The following ANO6 variants were observed in gnomAD, a reference collection of about 807,000 sequenced individuals.
The protein encoded by ANO6 is anoctamin-6.
A neutral mutation model predicts 117.5 loss-of-function variants in ANO6; 106 were observed. The ratio of observed to expected loss-of-function variants is 0.90; its 90% CI spans 0.77 to 1.06. The LOEUF (loss-of-function observed/expected upper bound fraction) is 1.06. ANO6 is among the 50% of genes least tolerant of loss of function. The probability of loss-of-function intolerance (pLI) is 0.00; values close to 1 mark genes in which losing one functional copy is unlikely to be tolerated. For synonymous variants in ANO6, 367 were observed against 385.1 expected, an observed-to-expected ratio of 0.95 and a Z score of 0.55; for missense variants, 955 against 1,121.1, an observed-to-expected ratio of 0.85 and a Z score of 2.12.
chr12:45,298,370 G>T (rs1939366527), intron 1 of ANO6, among the ~76,000 whole-genome samples: 1 of 152,136 alleles, frequency 6.6e-6, no homozygotes, highest in African/African-American at 2.4e-5. Context: ...TTAGAATTTT[G>T]TCTTGATTCT....
chr12:45,364,595 AT>A (rs561704586), intron 8 of ANO6, among the ~76,000 whole-genome samples: 2 of 151,952 alleles, frequency 1.3e-5, no homozygotes, highest in Admixed American at 1.3e-4. Context: ...CCTTCTAATG[AT>A]TTTTTTATTT....
At chr12:45,217,336 T>G (rs527518473) in intron 1 of ANO6, among the ~76,000 whole-genome samples, 2 of 152,314 alleles carry the variant, frequency 1.3e-5, no homozygotes, top group African/African-American at 4.8e-5. Context: ...CAAATCAATT[T>G]TAAAGCAGAA....
At chr12:45,321,476 A>C (rs540350235) in intron 2 of ANO6, among the ~76,000 whole-genome samples, 170 of 152,246 alleles carry the variant, frequency 1.1e-3, no homozygotes, top group Non-Finnish European at 2.0e-3. Context: ...AAAAAATCAC[A>C]TGTGTTAACA....
In ANO6 at chr12:45,296,809, CG is replaced by C. The variant is rs559228058; in HGVS notation, c.71-5204del. On this transcript the variant is annotated intron_variant, in intron 1 of 19. Transcript: ENST00000320560. ...CTTAATTATTCTTCATCTGTGAAAA[CG>C]AGGGACAAAAATAGGATTAAATAAG... 3.2e-4 allele frequency among the ~76,000 whole-genome samples: 48 copies of C among 152,120 alleles called. No individual in the cohort carries two copies. In the South Asian group the frequency reaches 9.9e-3, roughly 32 times the overall value.
chr12:45,302,396 A>T (rs1257255504), intron 2 of ANO6, among the ~76,000 whole-genome samples: 1 of 152,162 alleles, frequency 6.6e-6, no homozygotes, highest in Non-Finnish European at 1.5e-5. Context: ...CATTGATACC[A>T]TTGCTGTCAG....
chr12:45,406,385 A>G (rs999452826), intron 15 of ANO6, among the ~76,000 whole-genome samples: 5 of 152,354 alleles, frequency 3.3e-5, no homozygotes, highest in Admixed American at 2.0e-4. Flanking sequence ...TGTTCTTAAT[A>G]AAAGGCTAGT....
chr12:45,223,099 A>G (rs981517333), intron 1 of ANO6, among the ~76,000 whole-genome samples: 1 of 152,204 alleles, frequency 6.6e-6, no homozygotes, highest in Non-Finnish European at 1.5e-5. Flanking sequence ...CTTCATCTTT[A>G]TCTTTTATAA....
chr12:45,293,413 A>G (rs910695743), intron 1 of ANO6, among the ~76,000 whole-genome samples: 1 of 152,206 alleles, frequency 6.6e-6, no homozygotes, highest in East Asian at 1.9e-4. Context: ...TTTATCTTCT[A>G]TAGTGGTGGG....
At position 45,439,167 on chromosome 12, in the gene ANO6, G is replaced by A. The variant is rs548440961; in HGVS notation, c.2527-508G>A. On this transcript the variant is annotated intron_variant, in intron 19 of 19. Coordinates refer to the ANO6 transcript ENST00000425752. ...GTGTCACCTGTGTGTCTTGAGTATA[G>A]ATGCTGCTACTTCTCCAGCCACCAG... Among the ~76,000 whole-genome samples the A allele has an allele frequency of 8.5e-5, 13 of 152,302 alleles. No individual in the cohort carries two copies. In the South Asian group the frequency reaches 2.7e-3, roughly 32 times the overall value.
chr12:45,291,465 G>A (rs1239718900), intron 1 of ANO6, among the ~76,000 whole-genome samples: 1 of 151,352 alleles, frequency 6.6e-6, no homozygotes, highest in Non-Finnish European at 1.5e-5. Flanking sequence ...TAGATAACGG[G>A]ACTTGAGAAA....
chr12:45,326,734 G>A (rs1342882226), intron 2 of ANO6, among the ~76,000 whole-genome samples: 2 of 152,062 alleles, frequency 1.3e-5, no homozygotes, highest in Admixed American at 1.3e-4. Flanking sequence ...GATTGTGCTG[G>A]GACACCATCC....
At chr12:45,285,986 T>A (rs1464146078) in intron 1 of ANO6, among the ~76,000 whole-genome samples, 1 of 152,178 alleles carries the variant, frequency 6.6e-6, no homozygotes, top group Non-Finnish European at 1.5e-5. Context: ...TTGCTACCCC[T>A]TCAGCAGTAA....
At chr12:45,308,048 ATTTTTT>A (rs1218638312) in intron 2 of ANO6, among the ~76,000 whole-genome samples, 11 of 69,308 alleles carry the variant, frequency 1.6e-4, no homozygotes, top group East Asian at 5.1e-4. Context: ...TGTGTGTGTA[ATTTTTT>A]TTTTTTTTTT....
intron 8 of ANO6, among the ~76,000 whole-genome samples, chr12:45,363,977 T>C (rs1245931699): frequency 6.6e-6 from 1 of 152,230 alleles, no homozygotes; most frequent in African/African-American, 2.4e-5. Context: ...CAGACTAATA[T>C]AGCAGGTCTC....
chr12:45,323,220 C>G (rs1426430690), intron 2 of ANO6, among the ~76,000 whole-genome samples: 1 of 152,178 alleles, frequency 6.6e-6, no homozygotes, highest in Non-Finnish European at 1.5e-5. Context: ...TCACACTTTA[C>G]TCAGAATCTG....
intron 1 of ANO6, among the ~76,000 whole-genome samples, chr12:45,254,029 T>C (rs1339690207): frequency 6.6e-6 from 1 of 152,076 alleles, no homozygotes; most frequent in African/African-American, 2.4e-5. Flanking sequence ...TAGCTGGGCA[T>C]GGTGGTGTGC....
chr12:45,255,659 A>T (rs1937788207), intron 1 of ANO6, among the ~76,000 whole-genome samples: 1 of 152,110 alleles, frequency 6.6e-6, no homozygotes, highest in African/African-American at 2.4e-5. Context: ...GAACTCTGGG[A>T]GTTACAACTA....
chr12:45,422,895 C>CTT, intron 18 of ANO6, 62 bp from the exon 19 acceptor site: 1 of 1,279,890 alleles, frequency 7.8e-7, no homozygotes, highest in South Asian at 1.2e-5. Flanking sequence ...TAAATGGGGC[C>CTT]TTTGTTTACA....
Position 45,421,181 on chromosome 12 carries a change from C to G in ANO6, c.2328C>G (p.Ile776Met), listed in dbSNP as rs1464021309. Residue 776 changes from isoleucine to methionine, a missense_variant, in exon 18 of 20, where the codon ATC becomes ATG. Ile to Met is a conservative substitution (Grantham distance 10). Transcript: ENST00000320560. Reference sequence around the variant, plus strand: ...CTTCCTACACCATGGAAGGGTACATCAACAACACTCTCTCCATCTTCAAAG... The same window carrying G: ...CTTCCTACACCATGGAAGGGTACATGAACAACACTCTCTCCATCTTCAAAG... Reference protein sequence around the residue: ...DHTSYTMEGYINNTLSIFKVA... With the variant: ...DHTSYTMEGYMNNTLSIFKVA... 1.9e-6 allele frequency: 3 copies of G among 1,614,058 alleles called. No individual in the cohort carries two copies. The highest frequency in any genetic ancestry group is 2.5e-6 in the Non-Finnish European group (3 of 1,180,020).
Sources: allele counts gnomAD v4.1 joint callset (sites outside exome capture counted in the v4.1 genomes callset), GRCh38; gene constraint gnomAD v4.1.1; transcripts MANE v1.5; gene names NCBI Gene and HGNC (gene_info 2026-07-23, HGNC 2026-07-21).